PMM2: variants seen among roughly 807,000 people sequenced by gnomAD.
PMM2 encodes the protein mannose-6-phosphate isomerase.
PMM2 carries 35 observed loss-of-function variants against 33.2 expected under a neutral mutation model. The observed-to-expected ratio is 1.06, with a 90% CI of 0.81 to 1.40. The LOEUF is 1.40. Ranked by LOEUF, PMM2 falls within the 40% of genes most tolerant of loss-of-function variation. The probability of loss-of-function intolerance (pLI) is 0.00; values close to 1 mark genes in which losing one functional copy is unlikely to be tolerated. For synonymous variants in PMM2, 153 were observed against 114.7 expected, an observed-to-expected ratio of 1.33 and a Z score of -2.13; for missense variants, 386 against 306.0, an observed-to-expected ratio of 1.26 and a Z score of -1.95.
rs144040842 is a variant in PMM2 at position 8,847,741 on chromosome 16, G to C, written c.657G>C (p.Glu219Asp). The C allele has an allele frequency of 7.6e-5, 122 of 1,613,786 alleles. 1 individual carries two copies. In the Middle Eastern group the frequency reaches 1.2e-3, roughly 15 times the overall value. Reference sequence around the variant, plus strand: ...CTTTCCAGGGTGGCAATGACCATGAGATCTTCACAGACCCCAGAACCATGG... The same window carrying C: ...CTTTCCAGGGTGGCAATGACCATGACATCTTCACAGACCCCAGAACCATGG... ...DKTMPGGNDH[E>D]IFTDPRTMGY... The change falls in exon 8 of 8, where the codon GAG becomes GAC. Residue 219 changes from glutamate to aspartate, a missense_variant. Coordinates refer to ENST00000268261, the MANE Select transcript of PMM2 (RefSeq NM_000303.3).
At chr16:8,818,724 G>A (rs1227272779) in intron 7 of PMM2, among the ~76,000 whole-genome samples, 4 of 149,712 alleles carry the variant, frequency 2.7e-5, no homozygotes, top group African/African-American at 5.1e-5. Context: ...GAAGTGTGGC[G>A]TTGGCCGTTG....
At chr16:8,815,038 T>C (rs931224758) in intron 7 of PMM2, among the ~76,000 whole-genome samples, 1 of 152,162 alleles carries the variant, frequency 6.6e-6, no homozygotes, top group Non-Finnish European at 1.5e-5. Flanking sequence ...TCTCTGCTTA[T>C]ATGACTTTAG....
At chr16:8,812,109 T>C (rs2060681085) in intron 6 of PMM2, among the ~76,000 whole-genome samples, 1 of 152,212 alleles carries the variant, frequency 6.6e-6, no homozygotes, top group African/African-American at 2.4e-5. Context: ...ACTAGACCGA[T>C]GTTTTGGAAT....
At chr16:8,798,288 T>C (rs9926107) in intron 1 of PMM2, among the ~76,000 whole-genome samples, 140,608 of 152,210 alleles carry the variant, frequency 0.92, 65,187 homozygotes, top group East Asian at 0.98. Flanking sequence ...CAGCTATGTG[T>C]CGGCCCCAAT....
intron 7 of PMM2, among the ~76,000 whole-genome samples, chr16:8,823,061 TATACTC>T (rs1228051270): frequency 2.6e-5 from 4 of 152,158 alleles, no homozygotes; most frequent in Non-Finnish European, 4.4e-5. Flanking sequence ...GAAATTTAAA[TATACTC>T]ATCCTTATCT....
chr16:8,834,605 T>C (rs1370800456), intron 7 of PMM2, among the ~76,000 whole-genome samples: 1 of 152,086 alleles, frequency 6.6e-6, no homozygotes, highest in East Asian at 1.9e-4. Flanking sequence ...GGGGCCTGAA[T>C]AATCCCTGAG....
chr16:8,847,245 C>A (rs2060932267), intron 7 of PMM2, among the ~76,000 whole-genome samples: 2 of 152,168 alleles, frequency 1.3e-5, no homozygotes, highest in Admixed American at 1.3e-4. Context: ...CAGAGTGACA[C>A]ATGGCCAGTG....
At chr16:8,806,256 T>C in intron 3 of PMM2, 60 bp from the exon 4 acceptor site, 1 of 1,090,580 alleles carries the variant, frequency 9.2e-7, no homozygotes. Flanking sequence ...GGGTTTGCTA[T>C]GAAGCTGTTT....
At chr16:8,840,185 T>C (rs1294609446) in intron 7 of PMM2, among the ~76,000 whole-genome samples, 2 of 151,436 alleles carry the variant, frequency 1.3e-5, no homozygotes, top group Non-Finnish European at 2.9e-5. Context: ...GTGGTGGAGA[T>C]AGCTGGGGAG....
chr16:8,821,593 TC>T (rs1412858793), intron 7 of PMM2, among the ~76,000 whole-genome samples: 1 of 152,214 alleles, frequency 6.6e-6, no homozygotes, highest in Admixed American at 6.5e-5. Context: ...CAGGCCCAGA[TC>T]CGTCACAGAG....
At chr16:8,803,529 T>G (rs1385879053) in intron 2 of PMM2, among the ~76,000 whole-genome samples, 1 of 152,204 alleles carries the variant, frequency 6.6e-6, no homozygotes, top group Admixed American at 6.5e-5. Context: ...GGGAAGCTTA[T>G]TAAAATATGA....
intron 7 of PMM2, among the ~76,000 whole-genome samples, chr16:8,825,754 C>A (rs2060763686): frequency 8.5e-6 from 1 of 118,066 alleles, no homozygotes; most frequent in South Asian, 3.0e-4. Context: ...AAATAAAACA[C>A]TATTTTTTTT....
chr16:8,844,549 G>T (rs147305311), intron 7 of PMM2, among the ~76,000 whole-genome samples: 1 of 152,156 alleles, frequency 6.6e-6, no homozygotes, highest in African/African-American at 2.4e-5. Context: ...AGGGGTTGGG[G>T]TCCTTGCCCC....
Position 8,811,800 on chromosome 16 carries a change from T to A in PMM2, c.523+87T>A, listed in dbSNP as rs1295752700. The A allele has an allele frequency of 4.3e-6, 4 of 921,344 alleles. No homozygotes were observed. The African/African-American group carries it at 4.9e-5, about 11-fold the overall frequency. The allele number at this position is 921,344 out of a possible 1,614,324, so 57.1% of individuals were successfully genotyped here. A position where few individuals can be genotyped will look rare whatever the true frequency, so the allele number is the denominator to read the frequency against. On this transcript the variant is annotated intron_variant, in intron 6 of 7. Transcript: ENST00000268261. The stretch of plus-strand genomic sequence containing the variant: ...CCAGTGAGCTATTGATAATGAAGTA[T>A]GTGCAGTTTTAGGTGGGCAGGAAGA...
chr16:8,839,080 A>C (rs1043488131), intron 7 of PMM2, among the ~76,000 whole-genome samples: 1 of 152,020 alleles, frequency 6.6e-6, no homozygotes, highest in East Asian at 1.9e-4. Context: ...AATGCCTGCT[A>C]TTCCAGTACC....
intron 1 of PMM2, among the ~76,000 whole-genome samples, chr16:8,800,809 G>T (rs1273592): frequency 2.0e-5 from 3 of 151,966 alleles, no homozygotes; most frequent in Non-Finnish European, 4.4e-5. Context: ...TCAGCCTCCC[G>T]AGTAGCTGGG....
chr16:8,798,050 G>A (rs1465098764), intron 1 of PMM2, 102 bp downstream of exon 1: 14 of 1,099,254 alleles, frequency 1.3e-5, no homozygotes, highest in Non-Finnish European at 1.7e-5. Context: ...GGTGGCTAAG[G>A]ACCGCCTACG....
chr16:8,810,751 A>ATT (rs2060672746), intron 4 of PMM2: 2 of 368,110 alleles, frequency 5.4e-6, no homozygotes, highest in Non-Finnish European at 1.0e-5. Flanking sequence ...TATTTTTTGT[A>ATT]TTTTTTGTAG....
intron 3 of PMM2, among the ~76,000 whole-genome samples, chr16:8,805,501 A>T (rs8059182): frequency 2.0e-5 from 3 of 152,090 alleles, no homozygotes; most frequent in Non-Finnish European, 4.4e-5. Context: ...CAGGGACTAC[A>T]GGCACATGCC....
Sources: allele counts gnomAD v4.1 joint callset (sites outside exome capture counted in the v4.1 genomes callset), GRCh38; gene constraint gnomAD v4.1.1; transcripts MANE v1.5; gene names NCBI Gene and HGNC (gene_info 2026-07-23, HGNC 2026-07-21).